Variants in PTPRT observed in about 807,000 individuals in gnomAD.
PTPRT encodes protein tyrosine phosphatase receptor type T.
PTPRT carries 56 observed loss-of-function variants against 176.8 expected under a neutral mutation model. That is an observed-to-expected ratio of 0.32 (90% CI 0.26 to 0.40). The LOEUF is 0.40. Among genes scored for constraint, PTPRT ranks in the 10% least tolerant of loss-of-function variants. PTPRT has a pLI of 1.00. For synonymous variants in PTPRT, 783 were observed against 739.0 expected (o/e 1.06, Z -0.96); for missense variants, 1,540 against 1,908.2 (o/e 0.81, Z 3.60).
intron 28 of PTPRT, 79 bp downstream of exon 28, chr20:42,085,649 T>C (rs1053053336): frequency 2.0e-5 from 31 of 1,576,662 alleles, no homozygotes; most frequent in Non-Finnish European, 2.7e-5. Flanking sequence ...CTTGGCTGGC[T>C]CAGCGGGATC....
intron 7 of PTPRT, among the ~76,000 whole-genome samples, chr20:42,591,975 C>CTTTTTTTTT (rs71335866): frequency 9.8e-6 from 1 of 102,374 alleles, no homozygotes; most frequent in Non-Finnish European, 1.9e-5. Context: ...GCTGGAGATT[C>CTTTTTTTTT]TTTTTTTTTT....
At chr20:42,930,455 C>G (rs1568685581) in intron 1 of PTPRT, among the ~76,000 whole-genome samples, 1 of 152,002 alleles carries the variant, frequency 6.6e-6, no homozygotes, top group Non-Finnish European at 1.5e-5. Flanking sequence ...TGCACAATTC[C>G]CTTTACTTTT....
At chr20:42,481,026 C>CTT (rs113393465) in intron 7 of PTPRT, among the ~76,000 whole-genome samples, 53 of 143,420 alleles carry the variant, frequency 3.7e-4, no homozygotes, top group Admixed American at 2.5e-3. Context: ...AGTAGGTGAG[C>CTT]TTTTTTTTTT....
chr20:42,997,772 T>C (rs1347878072), intron 1 of PTPRT, among the ~76,000 whole-genome samples: 1 of 152,150 alleles, frequency 6.6e-6, no homozygotes, highest in Non-Finnish European at 1.5e-5. Flanking sequence ...TCATTGTTGG[T>C]ATCGTTCAGT....
chr20:42,299,444 A>T (rs1039857031), intron 12 of PTPRT, among the ~76,000 whole-genome samples: 5 of 152,176 alleles, frequency 3.3e-5, no homozygotes, highest in Admixed American at 2.6e-4. Flanking sequence ...AACCCTAGTT[A>T]GTAGGTTTGT....
At chr20:42,339,117 C>T (rs2058078291) in intron 11 of PTPRT, among the ~76,000 whole-genome samples, 1 of 152,208 alleles carries the variant, frequency 6.6e-6, no homozygotes, top group Admixed American at 6.5e-5. Context: ...TTTGTTTCTC[C>T]CAGGCTGCTC....
At position 42,203,944 on chromosome 20, in the gene PTPRT, C is replaced by T. The variant is rs73268822; in HGVS notation, c.2343-4556G>A. The stretch of plus-strand genomic sequence containing the variant: ...ACGACAAGAACTTCTTGGGAAAGGG[C>T]TTTTGACTCTTTGCACCTACTCCAA... On this transcript the variant is annotated intron_variant, in intron 15 of 30. Transcript: ENST00000373187. Among the ~76,000 whole-genome samples, 527 of 152,330 alleles carry T rather than the reference C, an allele frequency of 3.5e-3. 4 individuals are homozygous for T. Among genetic ancestry groups the T allele is most frequent in the African/African-American group, 0.012 (504 of 41,570 alleles).
At chr20:42,197,502 A>C (rs1991277986) in intron 16 of PTPRT, among the ~76,000 whole-genome samples, 1 of 151,606 alleles carries the variant, frequency 6.6e-6, no homozygotes, top group East Asian at 1.9e-4. Flanking sequence ...CTCTGATTGG[A>C]TCCTGGATTA....
intron 13 of PTPRT, among the ~76,000 whole-genome samples, chr20:42,261,105 C>T (rs1395099633): frequency 1.3e-5 from 2 of 152,132 alleles, no homozygotes; most frequent in African/African-American, 4.8e-5. Context: ...AATTTATTCC[C>T]TCACAATTCT....
chr20:42,938,465 G>A (rs760267120), intron 1 of PTPRT, among the ~76,000 whole-genome samples: 2 of 151,862 alleles, frequency 1.3e-5, no homozygotes, highest in Admixed American at 1.3e-4. Flanking sequence ...TTTTTTTCAG[G>A]CCCAATCATA....
At chr20:43,136,421 G>A (rs948670299) in intron 1 of PTPRT, among the ~76,000 whole-genome samples, 6 of 152,220 alleles carry the variant, frequency 3.9e-5, no homozygotes, top group East Asian at 3.9e-4. Flanking sequence ...CATGTTTTCC[G>A]CCCCTTTCTT....
chr20:42,922,334 T>G (rs73910629), intron 1 of PTPRT, among the ~76,000 whole-genome samples: 4,591 of 152,262 alleles, frequency 0.03, 146 homozygotes, highest in African/African-American at 0.082. Context: ...TCTTCTCTTC[T>G]AAGTCCCAAC....
At chr20:42,713,955 T>C (rs1475461433) in intron 6 of PTPRT, among the ~76,000 whole-genome samples, 2 of 152,200 alleles carry the variant, frequency 1.3e-5, no homozygotes, top group Non-Finnish European at 2.9e-5. Context: ...CTGTATAACC[T>C]GCAGAACCAT....
At chr20:42,605,855 G>T (rs7269668) in intron 7 of PTPRT, among the ~76,000 whole-genome samples, 42,716 of 152,110 alleles carry the variant, frequency 0.28, 8,818 homozygotes, top group African/African-American at 0.58. Flanking sequence ...GTGTCAACAT[G>T]CAGGTTCCAG....
intron 12 of PTPRT, among the ~76,000 whole-genome samples, chr20:42,303,225 T>G: frequency 6.6e-6 from 1 of 152,220 alleles, no homozygotes; most frequent in East Asian, 1.9e-4. Flanking sequence ...AATTGATGTT[T>G]GTAAAGTCTT....
intron 9 of PTPRT, among the ~76,000 whole-genome samples, chr20:42,398,595 G>C (rs1338202938): frequency 6.6e-6 from 1 of 152,078 alleles, no homozygotes. Context: ...GCATCGACAA[G>C]AACAAAATCT....
chr20:42,700,942 G>T (rs1908562276), intron 6 of PTPRT, among the ~76,000 whole-genome samples: 1 of 152,180 alleles, frequency 6.6e-6, no homozygotes, highest in Non-Finnish European at 1.5e-5. Context: ...GGAGCCTATA[G>T]CCAGGCAGAG....
chr20:42,712,535 C>T (rs919470866), intron 6 of PTPRT, among the ~76,000 whole-genome samples: 3 of 152,164 alleles, frequency 2.0e-5, no homozygotes, highest in African/African-American at 4.8e-5. Context: ...CCCAGATTCA[C>T]GACCACCTCA....
chr20:42,568,526 C>G (rs1445388856), intron 7 of PTPRT, among the ~76,000 whole-genome samples: 2 of 152,190 alleles, frequency 1.3e-5, no homozygotes, highest in Admixed American at 1.3e-4. Flanking sequence ...TATGATTGAT[C>G]GCCAGGCTGT....
Sources: allele counts gnomAD v4.1 joint callset (sites outside exome capture counted in the v4.1 genomes callset), GRCh38; gene constraint gnomAD v4.1.1; transcripts MANE v1.5; gene names NCBI Gene and HGNC (gene_info 2026-07-23, HGNC 2026-07-21).